DNAH14: variants seen among roughly 807,000 people sequenced by gnomAD.
DNAH14 encodes the protein dynein axonemal heavy chain 14, also known as axonemal beta dynein heavy chain 14.
A neutral mutation model predicts 520.9 loss-of-function variants in DNAH14; 478 were observed. That is an observed-to-expected ratio of 0.92 (90% CI 0.85 to 0.99). The LOEUF (loss-of-function observed/expected upper bound fraction) is 0.99. Ranked by LOEUF, DNAH14 falls within the 50% of genes least tolerant of loss-of-function variation. The pLI is 0.00. For missense variants in DNAH14, 4,831 were observed against 5,234.5 expected (o/e 0.92, Z 2.38); for synonymous variants, 1,581 against 1,757.2 (o/e 0.90, Z 2.51).
chr1:225,189,141 G>C (rs561979735), intron 37 of DNAH14, among the ~76,000 whole-genome samples: 1 of 151,674 alleles, frequency 6.6e-6, no homozygotes, highest in Non-Finnish European at 1.5e-5. Flanking sequence ...TACTATTGTA[G>C]TGGGTTACAT....
intron 81 of DNAH14, 47 bp downstream of exon 81, chr1:225,381,626 A>G: frequency 7.2e-7 from 1 of 1,387,022 alleles, no homozygotes; most frequent in Non-Finnish European, 9.7e-7. Flanking sequence ...CTTGAAATAA[A>G]TGTCCAAGTT....
At chr1:225,172,275 G>A (rs2082777848) in intron 36 of DNAH14, among the ~76,000 whole-genome samples, 1 of 152,116 alleles carries the variant, frequency 6.6e-6, no homozygotes, top group African/African-American at 2.4e-5. Context: ...TAATCAGGCA[G>A]GAGAAGGAAA....
intron 1 of DNAH14, among the ~76,000 whole-genome samples, chr1:224,939,496 C>T (rs1339836623): frequency 6.6e-6 from 1 of 152,058 alleles, no homozygotes; most frequent in Non-Finnish European, 1.5e-5. Flanking sequence ...TGGTGAAACC[C>T]TGTTTCTACT....
intron 23 of DNAH14, among the ~76,000 whole-genome samples, chr1:225,102,446 G>C (rs2075581425): frequency 1.3e-5 from 2 of 152,180 alleles, no homozygotes; most frequent in Non-Finnish European, 2.9e-5. Flanking sequence ...TCTAGTTCTA[G>C]ATCCCTGAGG....
At chr1:225,353,733 T>G in intron 72 of DNAH14, 70 bp from the exon 73 acceptor site, 1 of 816,290 alleles carries the variant, frequency 1.2e-6, no homozygotes, top group Non-Finnish European at 1.9e-6. Flanking sequence ...GAAATTTTCA[T>G]TGTGATATGT....
chr1:225,100,881 T>C lies in DNAH14; in HGVS notation c.3864T>C (p.Leu1288=). 1 of 1,497,670 alleles carries C rather than the reference T, an allele frequency of 6.7e-7. No homozygotes were observed. The highest frequency in any genetic ancestry group is 8.8e-7 in the Non-Finnish European group (1 of 1,130,186). The allele number at this position is 1,497,670 out of a possible 1,614,324, so 92.8% of individuals were successfully genotyped here. A position where few individuals can be genotyped will look rare whatever the true frequency, so the allele number is the denominator to read the frequency against. ...ATCTTGAACATATAAAGAAAAGCCTTGAGGTAAAACTATAGCAATTCTAAA... is the reference window on the plus strand; with the variant it reads ...ATCTTGAACATATAAAGAAAAGCCTCGAGGTAAAACTATAGCAATTCTAAA... ...NIHLEHIKKS[L]EDYLEVKRLI... The change falls in exon 23 of 86, where the codon CTT becomes CTC. Residue 1288 remains leucine, a synonymous_variant. Transcript: ENST00000682510.
chr1:225,031,758 T>TACTG (rs1167454268), intron 11 of DNAH14, among the ~76,000 whole-genome samples: 4 of 152,124 alleles, frequency 2.6e-5, no homozygotes, highest in African/African-American at 9.7e-5. Context: ...AAATACATTT[T>TACTG]TAGTTGTTCA....
chr1:225,258,943 G>T (rs931378590), intron 45 of DNAH14, among the ~76,000 whole-genome samples, 178 bp from the exon 46 acceptor site: 1 of 152,042 alleles, frequency 6.6e-6, no homozygotes, highest in Non-Finnish European at 1.5e-5. Flanking sequence ...ATTTGAGAGG[G>T]TTTTATATTA....
rs778939670 is a variant in DNAH14 at position 225,152,727 on chromosome 1, C to G, written c.5040C>G (p.Asn1680Lys). 67 of 1,550,628 alleles carry G rather than the reference C, an allele frequency of 4.3e-5. No individual in the cohort carries two copies. The highest frequency in any genetic ancestry group is 3.5e-6 in the Non-Finnish European group (4 of 1,146,614). Residue 1680 changes from asparagine (N) to lysine (K), a missense_variant, in exon 33 of 86, where the codon AAC becomes AAG. Physicochemically the swap from Asn to Lys is moderately conservative, Grantham distance 94 (BLOSUM62 0). Transcript: ENST00000682510. ...GAGGTGGAGTAGAGCTCCCAGATAA[C>G]TTAAAATCTCTGTTTCGCCCAGTGG... ...RYGGGVELPD[N>K]LKSLFRPVAM...
chr1:225,390,202 G>C (rs988619752), intron 83 of DNAH14, among the ~76,000 whole-genome samples: 1 of 152,180 alleles, frequency 6.6e-6, no homozygotes, highest in South Asian at 2.1e-4. Flanking sequence ...CGTGACAAAG[G>C]GGTGGAGACG....
intron 36 of DNAH14, among the ~76,000 whole-genome samples, chr1:225,181,618 GTCT>G (rs1164370077): frequency 2.6e-5 from 4 of 152,046 alleles, no homozygotes; most frequent in Admixed American, 2.0e-4. Flanking sequence ...CCTCTTATAT[GTCT>G]TCTTTTGAGA....
intron 38 of DNAH14, among the ~76,000 whole-genome samples, chr1:225,196,398 T>A (rs1279845681): frequency 3.9e-5 from 6 of 152,202 alleles, no homozygotes; most frequent in Admixed American, 3.9e-4. Flanking sequence ...ATACAACAGT[T>A]TCATTATCCA....
chr1:225,189,151 T>C (rs1343533250), intron 37 of DNAH14, among the ~76,000 whole-genome samples: 1 of 151,826 alleles, frequency 6.6e-6, no homozygotes, highest in African/African-American at 2.4e-5. Context: ...GTGGGTTACA[T>C]TGATTGATTT....
intron 79 of DNAH14, among the ~76,000 whole-genome samples, chr1:225,379,445 A>G (rs1016246004): frequency 3.9e-5 from 6 of 152,328 alleles, no homozygotes; most frequent in African/African-American, 1.4e-4. Flanking sequence ...ACGGAACTTA[A>G]GCAGAGGACC....
rs890837128 is a variant in DNAH14 at position 225,318,581 on chromosome 1, A to G, written c.9241-2A>G. ...GTTTGGGGACCTATATTTTTATTGC[A>G]GAAAACTGCCAATGAACTAAAAAGT... On this transcript the variant is annotated splice_acceptor_variant, in intron 60 of 85. Coordinates refer to ENST00000682510, the MANE Select transcript of DNAH14 (RefSeq NM_001367479.1). LOFTEE classifies it high-confidence loss of function. The G allele has an allele frequency of 5.8e-6, 9 of 1,542,572 alleles. No individual in the cohort carries two copies. The highest frequency in any genetic ancestry group is 7.9e-6 in the Non-Finnish European group (9 of 1,143,536).
At chr1:225,257,436 A>G (rs891712751) in intron 44 of DNAH14, among the ~76,000 whole-genome samples, 13 of 152,228 alleles carry the variant, frequency 8.5e-5, no homozygotes, top group African/African-American at 3.1e-4. Flanking sequence ...TAATGAACTA[A>G]TAACTTTTAT....
At chr1:225,242,028 G>T (rs1377748329) in intron 43 of DNAH14, among the ~76,000 whole-genome samples, 1 of 152,158 alleles carries the variant, frequency 6.6e-6, no homozygotes, top group Non-Finnish European at 1.5e-5. Context: ...TTCAAGACTA[G>T]CTTGGGCAAC....
intron 52 of DNAH14, among the ~76,000 whole-genome samples, chr1:225,274,194 G>GTTTTTTTT (rs1193834939): frequency 0.02 from 2,450 of 119,730 alleles, 221 homozygotes; most frequent in East Asian, 0.057. Flanking sequence ...ACCAGCATCT[G>GTTTTTTTT]TTATTTTTTT....
At position 225,261,510 on chromosome 1, in the gene DNAH14, T is replaced by C. The variant is rs115312368; in HGVS notation, c.7157+2257T>C. On this transcript the variant is annotated intron_variant, in intron 46 of 85. Coordinates refer to ENST00000682510, the MANE Select transcript of DNAH14 (RefSeq NM_001367479.1). ...TAAATCCCCACTTGATCATGGTGAA[T>C]AATCCTTTTAATATACTATTGAATT... Among the ~76,000 whole-genome samples, 763 of 152,300 alleles carry C rather than the reference T, an allele frequency of 5.0e-3. 6 individuals are homozygous for C. The highest frequency in any genetic ancestry group is 0.017 in the African/African-American group (720 of 41,584).
Sources: allele counts gnomAD v4.1 joint callset (sites outside exome capture counted in the v4.1 genomes callset), GRCh38; gene constraint gnomAD v4.1.1; transcripts MANE v1.5; gene names NCBI Gene and HGNC (gene_info 2026-07-23, HGNC 2026-07-21).